TDP1: variants seen among roughly 807,000 people sequenced by gnomAD.
TDP1 encodes the protein tyr-DNA phosphodiesterase 1.
TDP1 carries 64 observed loss-of-function variants against 81.5 expected under a neutral mutation model. That is an observed-to-expected ratio of 0.79 (90% CI 0.64 to 0.97). The LOEUF is 0.97. Among genes scored for constraint, TDP1 ranks in the 50% least tolerant of loss-of-function variants. The pLI is 0.00. For missense variants in TDP1, 723 were observed against 743.8 expected (o/e 0.97, Z 0.33); for synonymous variants, 256 against 264.3 (o/e 0.97, Z 0.30).
intron 12 of TDP1, among the ~76,000 whole-genome samples, chr14:89,989,975 A>G (rs1037112016): frequency 1.3e-5 from 2 of 152,210 alleles, no homozygotes; most frequent in Non-Finnish European, 2.9e-5. Flanking sequence ...CCCTCTGCAC[A>G]ATAGTTTTCA....
At chr14:90,013,114 C>G (rs1358613602) in intron 14 of TDP1, among the ~76,000 whole-genome samples, 1 of 152,186 alleles carries the variant, frequency 6.6e-6, no homozygotes, top group Non-Finnish European at 1.5e-5. Flanking sequence ...TTTACAGGGT[C>G]ATAGGCAGAA....
At chr14:90,003,502 T>C (rs547480378) in intron 14 of TDP1, among the ~76,000 whole-genome samples, 2 of 152,330 alleles carry the variant, frequency 1.3e-5, no homozygotes, top group East Asian at 1.9e-4. Context: ...AGGGAAATTA[T>C]TGGGACATGA....
chr14:89,994,877 A>G (rs1896530117), intron 14 of TDP1, among the ~76,000 whole-genome samples: 1 of 152,224 alleles, frequency 6.6e-6, no homozygotes, highest in African/African-American at 2.4e-5. Context: ...GGGAAAATAC[A>G]CAGGATTTTC....
At chr14:90,005,594 G>A (rs1897607130) in intron 14 of TDP1, among the ~76,000 whole-genome samples, 1 of 152,134 alleles carries the variant, frequency 6.6e-6, no homozygotes, top group African/African-American at 2.4e-5. Context: ...GTAATGAGCA[G>A]ATGGTGTTAA....
chr14:89,980,666 G>C, intron 8 of TDP1, 34 bp downstream of exon 8: 1 of 1,543,178 alleles, frequency 6.5e-7, no homozygotes, highest in Non-Finnish European at 9.0e-7. Flanking sequence ...CTGGCAGTGT[G>C]TGTGTTGATA....
At chr14:90,036,606 G>A (rs1199884136) in intron 16 of TDP1, among the ~76,000 whole-genome samples, 1 of 152,116 alleles carries the variant, frequency 6.6e-6, no homozygotes, top group Non-Finnish European at 1.5e-5. Context: ...GCTTGGTGCA[G>A]TAGTTACTGT....
intron 14 of TDP1, among the ~76,000 whole-genome samples, chr14:89,995,489 AT>A (rs1896584975): frequency 6.6e-6 from 1 of 152,218 alleles, no homozygotes; most frequent in Admixed American, 6.5e-5. Context: ...TGATTGCTGT[AT>A]AAAAGAGGAA....
chr14:90,041,712 A>G (rs1419103286), intron 16 of TDP1, among the ~76,000 whole-genome samples: 3 of 152,250 alleles, frequency 2.0e-5, no homozygotes, highest in Non-Finnish European at 2.9e-5. Flanking sequence ...TTTCTCTAAC[A>G]CTTACCAAGA....
chr14:90,011,888 A>G (rs557353239), intron 14 of TDP1, among the ~76,000 whole-genome samples: 1 of 152,382 alleles, frequency 6.6e-6, no homozygotes, highest in Non-Finnish European at 1.5e-5. Flanking sequence ...TGAGGACTAC[A>G]GAAATTTGCA....
At chr14:90,033,250 T>C (rs1338268345) in intron 16 of TDP1, 36 bp downstream of exon 16, 3 of 1,221,830 alleles carry the variant, frequency 2.5e-6, no homozygotes, top group Non-Finnish European at 3.6e-6. Context: ...CGGGTGGATA[T>C]GCATAAGAAA....
chr14:90,024,066 C>G (rs1886382451), intron 15 of TDP1, among the ~76,000 whole-genome samples: 1 of 152,216 alleles, frequency 6.6e-6, no homozygotes, highest in Non-Finnish European at 1.5e-5. Flanking sequence ...CACATCTATG[C>G]TACTCCTCAG....
At chr14:90,034,679 A>C (rs138419035) in intron 16 of TDP1, among the ~76,000 whole-genome samples, 131 of 152,346 alleles carry the variant, frequency 8.6e-4, no homozygotes, top group Non-Finnish European at 1.4e-3. Flanking sequence ...CATATTCTCC[A>C]CTGGAAAGGA....
At chr14:90,017,704 T>C (rs1052589529) in intron 14 of TDP1, among the ~76,000 whole-genome samples, 13 of 152,218 alleles carry the variant, frequency 8.5e-5, no homozygotes, top group African/African-American at 3.1e-4. Context: ...GACCCACTGG[T>C]TGGTTTTGCC....
chr14:89,986,380 T>C (rs1895556480), intron 10 of TDP1, among the ~76,000 whole-genome samples: 1 of 152,198 alleles, frequency 6.6e-6, no homozygotes. Flanking sequence ...CCTCCCGTGA[T>C]TGTGAGGATT....
At chr14:89,976,480 C>A (rs1894331010) in intron 7 of TDP1, among the ~76,000 whole-genome samples, 1 of 151,718 alleles carries the variant, frequency 6.6e-6, no homozygotes, top group Non-Finnish European at 1.5e-5. Context: ...TCACCACTAC[C>A]CCCTCGCTCC....
At chr14:90,016,279 G>A (rs1442516649) in intron 14 of TDP1, among the ~76,000 whole-genome samples, 1 of 152,094 alleles carries the variant, frequency 6.6e-6, no homozygotes, top group Non-Finnish European at 1.5e-5. Context: ...CTCGACCTCA[G>A]ATGATCCGCT....
intron 3 of TDP1, 161 bp from the exon 4 acceptor site, chr14:89,965,986 A>T (rs920531591): frequency 2.1e-5 from 13 of 606,448 alleles, no homozygotes; most frequent in Non-Finnish European, 2.7e-5. Context: ...ATTTTTTTTG[A>T]ATTTTATGAA....
chr14:89,985,482 C>T (rs1321340813), intron 10 of TDP1, among the ~76,000 whole-genome samples: 10 of 152,164 alleles, frequency 6.6e-5, no homozygotes, highest in African/African-American at 2.4e-4. Context: ...TATTCATACA[C>T]ATACTGTAGC....
intron 14 of TDP1, among the ~76,000 whole-genome samples, chr14:89,998,442 A>ATGTATG (rs1230138851): frequency 3.3e-5 from 4 of 122,424 alleles, no homozygotes; most frequent in African/African-American, 1.3e-4. Context: ...GTATGTATGT[A>ATGTATG]TATGTATATG....
Sources: gnomAD v4.1 joint callset for allele counts (sites outside exome capture counted in the v4.1 genomes callset) on GRCh38, gnomAD v4.1.1 for gene constraint, MANE v1.5 for transcripts, NCBI Gene and HGNC (gene_info 2026-07-23, HGNC 2026-07-21) for gene names.